Variants in FHOD3 observed in about 807,000 individuals in gnomAD.
FHOD3 encodes the protein FH1/FH2 domain-containing protein 3.
In FHOD3, 90 loss-of-function variants were observed where a neutral mutation model predicts 173.0. The ratio of observed to expected loss-of-function variants is 0.52; its 90% CI spans 0.44 to 0.62. The LOEUF is 0.62. Ranked by LOEUF, FHOD3 falls within the 20% of genes least tolerant of loss-of-function variation. The probability of loss-of-function intolerance (pLI) is 0.00; values close to 1 mark genes in which losing one functional copy is unlikely to be tolerated. For synonymous variants in FHOD3, 828 were observed against 823.0 expected (o/e 1.01, Z -0.10); for missense variants, 1,945 against 2,034.7 (o/e 0.96, Z 0.85).
chr18:36,633,071 C>T (rs1265443276), intron 10 of FHOD3, among the ~76,000 whole-genome samples: 3 of 152,216 alleles, frequency 2.0e-5, no homozygotes, highest in African/African-American at 7.2e-5. Flanking sequence ...GCGCAGTGCC[C>T]TGCTGGCACT....
chr18:36,330,291 C>T (rs1176381105), intron 1 of FHOD3, among the ~76,000 whole-genome samples: 1 of 152,294 alleles, frequency 6.6e-6, no homozygotes, highest in Non-Finnish European at 1.5e-5. Flanking sequence ...GAAAACAAAG[C>T]ATCTGAGAGA....
chr18:36,666,883 C>G (rs994980032), intron 14 of FHOD3, among the ~76,000 whole-genome samples: 2 of 152,166 alleles, frequency 1.3e-5, no homozygotes, highest in Non-Finnish European at 1.5e-5. Flanking sequence ...TCCATCACCC[C>G]AAAAATCTTC....
intron 1 of FHOD3, among the ~76,000 whole-genome samples, chr18:36,316,588 G>C (rs1802605403): frequency 6.6e-6 from 1 of 152,194 alleles, no homozygotes; most frequent in Non-Finnish European, 1.5e-5. Context: ...TAATGTTTTA[G>C]TAGTTTCCGA....
chr18:36,742,697 T>A, intron 21 of FHOD3, 40 bp from the exon 22 acceptor site: 2 of 1,589,818 alleles, frequency 1.3e-6, no homozygotes, highest in South Asian at 2.3e-5. Flanking sequence ...TAAACCCAAA[T>A]TGTACACTCT....
chr18:36,637,740 A>G (rs1480876965), intron 10 of FHOD3, among the ~76,000 whole-genome samples: 2 of 152,216 alleles, frequency 1.3e-5, no homozygotes, highest in Non-Finnish European at 2.9e-5. Context: ...AGAGGGTTAC[A>G]GGGATATGAG....
chr18:36,691,365 C>T (rs1477428616), intron 16 of FHOD3, among the ~76,000 whole-genome samples: 1 of 152,238 alleles, frequency 6.6e-6, no homozygotes. Context: ...CATTTCTTGC[C>T]TGCCCCTTTA....
intron 1 of FHOD3, among the ~76,000 whole-genome samples, chr18:36,338,308 G>A (rs1373141496): frequency 4.6e-5 from 7 of 152,144 alleles, no homozygotes. Context: ...TGGAATGGAG[G>A]GCAGTACTGC....
intron 28 of FHOD3, among the ~76,000 whole-genome samples, chr18:36,771,721 C>G (rs1001135328): frequency 1.1e-4 from 16 of 152,316 alleles, no homozygotes; most frequent in Non-Finnish European, 2.1e-4. Context: ...GCAACCTCAT[C>G]GCAGGGCTCA....
intron 5 of FHOD3, among the ~76,000 whole-genome samples, chr18:36,519,083 C>T (rs1247195996): frequency 1.3e-5 from 2 of 152,224 alleles, no homozygotes; most frequent in African/African-American, 4.8e-5. Context: ...TGTGGCTCCT[C>T]TTGCCACCCA....
chr18:36,341,031 A>G (rs1412532055), intron 1 of FHOD3, among the ~76,000 whole-genome samples: 1 of 152,132 alleles, frequency 6.6e-6, no homozygotes, highest in Non-Finnish European at 1.5e-5. Flanking sequence ...TCTCTTGCGC[A>G]GCAGCTAAGA....
At chr18:36,676,301 G>C (rs1485003211) in intron 14 of FHOD3, among the ~76,000 whole-genome samples, 1 of 152,070 alleles carries the variant, frequency 6.6e-6, no homozygotes, top group Non-Finnish European at 1.5e-5. Flanking sequence ...CTTTTCTTCA[G>C]TCTACTTTTC....
chr18:36,534,304 A>G (rs1031051724), intron 5 of FHOD3, among the ~76,000 whole-genome samples: 16 of 151,988 alleles, frequency 1.1e-4, no homozygotes, highest in African/African-American at 3.9e-4. Context: ...TGTTGTTTCT[A>G]AAGAGTGAGA....
At chr18:36,481,402 A>G (rs546340823) in intron 3 of FHOD3, among the ~76,000 whole-genome samples, 1 of 151,928 alleles carries the variant, frequency 6.6e-6, no homozygotes, top group Non-Finnish European at 1.5e-5. Flanking sequence ...GGGATTGCAA[A>G]ATTTCCTTAA....
intron 27 of FHOD3, among the ~76,000 whole-genome samples, chr18:36,764,672 G>A (rs1362251305): frequency 6.6e-6 from 1 of 152,122 alleles, no homozygotes; most frequent in African/African-American, 2.4e-5. Flanking sequence ...GATGTTGGTG[G>A]GTTTGTACAA....
intron 3 of FHOD3, among the ~76,000 whole-genome samples, chr18:36,485,596 AAG>A (rs1453554628): frequency 6.6e-6 from 1 of 152,198 alleles, no homozygotes. Flanking sequence ...AGCTTGTGAG[AAG>A]AGCGCCCTTG....
chr18:36,677,225 C>G (rs954234318), intron 14 of FHOD3, among the ~76,000 whole-genome samples: 4 of 151,438 alleles, frequency 2.6e-5, no homozygotes, highest in African/African-American at 9.7e-5. Context: ...GTGGTGCAAT[C>G]TATGCTCACT....
chr18:36,315,535 G>A (rs903595201), intron 1 of FHOD3, among the ~76,000 whole-genome samples: 17 of 152,212 alleles, frequency 1.1e-4, no homozygotes, highest in South Asian at 4.2e-4. Context: ...GAGGGCATGT[G>A]GGGGTTAAGG....
chr18:36,502,387 A>G (rs1286047578), intron 4 of FHOD3, among the ~76,000 whole-genome samples: 2 of 152,024 alleles, frequency 1.3e-5, no homozygotes, highest in East Asian at 1.9e-4. Context: ...TCCTAATGCT[A>G]TCCCTTCCCT....
chr18:36,741,485 G>C (rs1374320762), intron 21 of FHOD3, among the ~76,000 whole-genome samples: 1 of 152,118 alleles, frequency 6.6e-6, no homozygotes, highest in Non-Finnish European at 1.5e-5. Flanking sequence ...TATAGCCCAG[G>C]TGAGCCAGGT....
Sources: gnomAD v4.1 joint callset for allele counts (sites outside exome capture counted in the v4.1 genomes callset) on GRCh38, gnomAD v4.1.1 for gene constraint, MANE v1.5 for transcripts, NCBI Gene and HGNC (gene_info 2026-07-23, HGNC 2026-07-21) for gene names.